The following SCUBE3 variants were observed in gnomAD, a reference collection of about 807,000 sequenced individuals.
SCUBE3 encodes signal peptide, CUB domain and EGF like domain containing 3, also known as signal peptide, CUB and EGF-like domain-containing protein 3.
SCUBE3 carries 33 observed loss-of-function variants against 116.8 expected under a neutral mutation model. That is an observed-to-expected ratio of 0.28 (90% CI 0.21 to 0.38). The LOEUF (loss-of-function observed/expected upper bound fraction) is 0.38. SCUBE3 is among the 10% of genes least tolerant of loss of function. The pLI is 1.00. For synonymous variants in SCUBE3, 418 were observed against 496.9 expected (o/e 0.84, Z 2.11); for missense variants, 1,007 against 1,324.8 (o/e 0.76, Z 3.72).
intron 21 of SCUBE3, among the ~76,000 whole-genome samples, chr6:35,247,402 C>T (rs1346482271): frequency 6.8e-6 from 1 of 147,920 alleles, no homozygotes; most frequent in African/African-American, 2.5e-5. Flanking sequence ...CATGCCATTG[C>T]ACTCCAGCCT....
At chr6:35,220,547 T>A (rs1352035314) in intron 1 of SCUBE3, 1 of 152,194 alleles carries the variant, frequency 6.6e-6, no homozygotes, top group Non-Finnish European at 1.5e-5. Context: ...GTTGATTTTG[T>A]CCATACTGAA....
chr6:35,239,972 A>G lies in SCUBE3; in HGVS notation c.952+98A>G, dbSNP rs1783962915. 1.9e-6 allele frequency: 2 copies of G among 1,068,868 alleles called. No individual in the cohort carries two copies. The highest frequency in any genetic ancestry group is 2.6e-6 in the Non-Finnish European group (2 of 761,720). The allele number at this position is 1,068,868 out of a possible 1,614,324, so 66.2% of individuals were successfully genotyped here. ...CTAAAGTCTTAGAAACTCAATAGATATCACACAGAGTCTCTAGAGGCAGTG... is the reference window on the plus strand; with the variant it reads ...CTAAAGTCTTAGAAACTCAATAGATGTCACACAGAGTCTCTAGAGGCAGTG... On this transcript the variant is annotated intron_variant, in intron 8 of 21. Coordinates refer to ENST00000274938, the MANE Select transcript of SCUBE3 (RefSeq NM_152753.4). The surrounding 1 kb of genome is among the most constrained non-coding windows in gnomAD (Gnocchi z 4.1).
At chr6:35,217,525 C>G (rs1019093021) in intron 1 of SCUBE3, among the ~76,000 whole-genome samples, 1 of 151,762 alleles carries the variant, frequency 6.6e-6, no homozygotes, top group African/African-American at 2.4e-5. Flanking sequence ...CTCTCTGTCT[C>G]GGTGTGTCTC....
rs1015152231 is a variant in SCUBE3 at position 35,232,726 on chromosome 6, C to T, written c.470-124C>T. On this transcript the variant is annotated intron_variant, in intron 4 of 21. Coordinates refer to ENST00000274938, the MANE Select transcript of SCUBE3 (RefSeq NM_152753.4). The surrounding 1 kb of genome is among the most constrained non-coding windows in gnomAD (Gnocchi z 4.2). The stretch of plus-strand genomic sequence containing the variant: ...GCCTGGGACAAGGAGAGTCAGTCCC[C>T]TCGTGTTGAATTCAACCTCAGTAGA... 3.0e-5 allele frequency: 28 copies of T among 927,824 alleles called. No individual in the cohort carries two copies. Among genetic ancestry groups the T allele is most frequent in the Non-Finnish European group, 4.4e-5 (26 of 596,672 alleles). 57.5% of individuals were successfully genotyped at this position (927,824 alleles called of 1,614,324 possible).
intron 12 of SCUBE3, 53 bp from the exon 13 acceptor site, chr6:35,242,151 C>A: frequency 7.4e-7 from 1 of 1,346,400 alleles, no homozygotes; most frequent in Non-Finnish European, 1.1e-6. Context: ...CCTACGGCAC[C>A]CCCGACCTCC....
In SCUBE3 at chr6:35,231,962, G is replaced by A; in HGVS notation, c.469+103G>A. 1 of 1,002,052 alleles carries A rather than the reference G, an allele frequency of 1.0e-6. No homozygotes were observed. Among genetic ancestry groups the A allele is most frequent in the South Asian group, 1.7e-5 (1 of 59,216 alleles). The allele number at this position is 1,002,052 out of a possible 1,614,324, so 62.1% of individuals were successfully genotyped here. ...AGTCTCACCCTCCATTCTCAACTCA[G>A]CTAGCTCCTTCTTCTCTTGTCCTTC... On this transcript the variant is annotated intron_variant, in intron 4 of 21. Transcript: ENST00000274938. The surrounding 1 kb of genome is among the most constrained non-coding windows in gnomAD (Gnocchi z 4.2).
At chr6:35,221,895 TAGTGTCACAGGG>T (rs1308288183) in intron 1 of SCUBE3, 1 of 152,230 alleles carries the variant, frequency 6.6e-6, no homozygotes, top group Non-Finnish European at 1.5e-5. Context: ...AGAAGGCTGG[TAGTGTCACAGGG>T]AGTGTCCCAG....
At position 35,243,039 on chromosome 6, in the gene SCUBE3, G is replaced by T; in HGVS notation, c.1712G>T (p.Cys571Phe). 6.2e-7 allele frequency: 1 copy of T among 1,614,132 alleles called. No homozygotes were observed. The change falls in exon 15 of 22, where the codon TGC (cysteine) becomes TTC (phenylalanine). Residue 571 changes from cysteine (C) to phenylalanine (F), a missense_variant. By Grantham distance (205) the Cys-to-Phe change is radical. This residue lies in a region of SCUBE3 where 544 missense variants were observed against 638.9 expected (regional missense o/e 0.85). Transcript: ENST00000274938. The surrounding 1 kb of genome is among the most constrained non-coding windows in gnomAD (Gnocchi z 6.6). The part of the protein sequence containing the change: ...EETTASCGLP[C>F]LRQRMERRLK... The stretch of plus-strand genomic sequence containing the variant: ...CCACCAGCCAGCTGTGGGCTGCCCT[G>T]CCTCCGACAGCGAATGGAACGGCGG...
chr6:35,232,787 G>A lies in SCUBE3; in HGVS notation c.470-63G>A, dbSNP rs919975094. ...TTCCCTAGGTCCCCAGTTGCCCCCT[G>A]TAGTTTTTCTTTTCTAGACATCCAG... On this transcript the variant is annotated intron_variant, in intron 4 of 21. Transcript: ENST00000274938. This position sits in a 1 kb window ranked among gnomAD's most constrained non-coding sequence, Gnocchi z 4.2. 1 of 1,560,038 alleles carries A rather than the reference G, an allele frequency of 6.4e-7. No homozygotes were observed. The highest frequency in any genetic ancestry group is 8.8e-7 in the Non-Finnish European group (1 of 1,134,002).
In SCUBE3 at chr6:35,241,597, A is replaced by G; in HGVS notation, c.1250A>G (p.Asn417Ser). ...GCCTCGAAAGCCATGCTCAGCTGCA[A>G]CCGGTCTGGCAAGAAGGACACCTGT... ...PGASKAMLSCNRSGKKDTCAL... is the reference protein window; with the variant it reads ...PGASKAMLSCSRSGKKDTCAL... The change falls in exon 11 of 22, where the codon AAC becomes AGC. Residue 417 changes from asparagine (N) to serine (S), a missense_variant. By Grantham distance (46) the Asn-to-Ser change is conservative (BLOSUM62 1). This residue lies in a region of SCUBE3 where 544 missense variants were observed against 638.9 expected (regional missense o/e 0.85). Transcript: ENST00000274938. This position sits in a 1 kb window ranked among gnomAD's most constrained non-coding sequence, Gnocchi z 4.1. The G allele has an allele frequency of 1.2e-6, 2 of 1,614,212 alleles. No individual in the cohort carries two copies. The highest frequency in any genetic ancestry group is 1.7e-6 in the Non-Finnish European group (2 of 1,180,030).
intron 1 of SCUBE3, chr6:35,218,080 C>CA (rs1562040289): frequency 1.0e-6 from 1 of 954,182 alleles, no homozygotes; most frequent in African/African-American, 1.8e-5. Context: ...AGAAAGAAGA[C>CA]AGTCATCAGC....
chr6:35,248,418 A>C (rs1784439288), intron 21 of SCUBE3, 138 bp from the exon 22 acceptor site: 1 of 763,086 alleles, frequency 1.3e-6, no homozygotes, highest in Non-Finnish European at 2.2e-6. Context: ...GATGGTGGGA[A>C]TGGGAATCCA....
In SCUBE3 at chr6:35,242,613, C is replaced by G; in HGVS notation, c.1535-9C>G. Reference sequence around the variant, plus strand: ...GATGTCCCTGGGGTTGACAAGCCCTCTCTCCCAGGTGGTGCCCCCTGCTCT... The same window carrying G: ...GATGTCCCTGGGGTTGACAAGCCCTGTCTCCCAGGTGGTGCCCCCTGCTCT... On this transcript the variant is annotated splice_polypyrimidine_tract_variant and intron_variant, in intron 13 of 21. Coordinates refer to ENST00000274938, the MANE Select transcript of SCUBE3 (RefSeq NM_152753.4). 1 of 1,602,322 alleles carries G rather than the reference C, an allele frequency of 6.2e-7. No individual in the cohort carries two copies. The highest frequency in any genetic ancestry group is 8.5e-7 in the Non-Finnish European group (1 of 1,170,398).
At chr6:35,227,514 C>A in intron 1 of SCUBE3, 66 bp from the exon 2 acceptor site, 1 of 1,588,586 alleles carries the variant, frequency 6.3e-7, no homozygotes, top group Non-Finnish European at 8.6e-7. Flanking sequence ...CTTGGAAGCC[C>A]ACCTTCAAGA....
In SCUBE3 at chr6:35,241,630, C is replaced by T. The variant is rs764450995; in HGVS notation, c.1283C>T (p.Thr428Ile). ...RSGKKDTCAL[T>I]CPSRARFLPE... Reference sequence around the variant, plus strand: ...GGCAAGAAGGACACCTGTGCCCTGACCTGTCCCTCCAGGGCCCGATTTTTG... The same window carrying T: ...GGCAAGAAGGACACCTGTGCCCTGATCTGTCCCTCCAGGGCCCGATTTTTG... Residue 428 changes from threonine to isoleucine, a missense_variant, in exon 11 of 22, where the codon ACC (threonine) becomes ATC (isoleucine). Physicochemically the swap from Thr to Ile is moderately conservative, Grantham distance 89 (BLOSUM62 -1). Transcript: ENST00000274938. This position sits in a 1 kb window ranked among gnomAD's most constrained non-coding sequence, Gnocchi z 4.1. 1 of 1,613,688 alleles carries T rather than the reference C, an allele frequency of 6.2e-7. No individual in the cohort carries two copies. The highest frequency in any genetic ancestry group is 1.1e-5 in the South Asian group (1 of 91,066).
Position 35,245,912 on chromosome 6 carries a change from C to A in SCUBE3, c.2600-32C>A. On this transcript the variant is annotated intron_variant, in intron 19 of 21. Transcript: ENST00000274938. This position sits in a 1 kb window ranked among gnomAD's most constrained non-coding sequence, Gnocchi z 4.2. The stretch of plus-strand genomic sequence containing the variant: ...AGGAGGGCTTGGGTAGCCTGCCCTG[C>A]TGCTCTACTGACCTGCTGCTTGCCT... 6.2e-7 allele frequency: 1 copy of A among 1,610,686 alleles called. No individual in the cohort carries two copies. The highest frequency in any genetic ancestry group is 8.5e-7 in the Non-Finnish European group (1 of 1,177,914).
At chr6:35,223,241 C>A (rs888602776) in intron 1 of SCUBE3, 2 of 152,148 alleles carry the variant, frequency 1.3e-5, no homozygotes, top group African/African-American at 4.8e-5. Context: ...TTTCTATATG[C>A]CCACACTGTG....
intron 1 of SCUBE3, chr6:35,221,739 A>G (rs545283640): frequency 8.5e-5 from 13 of 152,326 alleles, no homozygotes; most frequent in African/African-American, 2.9e-4. Flanking sequence ...TCAAGCTCCT[A>G]CTGCTTCAGT....
rs1487971498 is a variant in SCUBE3, at chr6:35,252,382, G to A, written c.*3677G>A. On this transcript the variant is annotated 3_prime_UTR_variant, in exon 22 of 22. Transcript: ENST00000274938. ...GTTCAGTAACACAGTCCTGGTCTTTGGCCCTAGAGAAACTTTTTATATGAG... is the reference window on the plus strand; with the variant it reads ...GTTCAGTAACACAGTCCTGGTCTTTAGCCCTAGAGAAACTTTTTATATGAG... The A allele has an allele frequency of 6.6e-6, 1 of 152,172 alleles. No homozygotes were observed. The highest frequency in any genetic ancestry group is 2.4e-5 in the African/African-American group (1 of 41,436). 9.4% of individuals were successfully genotyped at this position (152,172 alleles called of 1,614,324 possible).
Sources: allele counts gnomAD v4.1 joint callset (sites outside exome capture counted in the v4.1 genomes callset), GRCh38; gene constraint gnomAD v4.1.1; regional missense constraint gnomAD v4.1.1; non-coding constraint Gnocchi (gnomAD v3.1); transcripts MANE v1.5; gene names NCBI Gene and HGNC (gene_info 2026-07-23, HGNC 2026-07-21).